The following TPTE2 variants were observed in gnomAD, a reference collection of about 807,000 sequenced individuals.
TPTE2 encodes transmembrane phosphoinositide 3-phosphatase and tensin homolog 2, also known as phosphatidylinositol 3,4,5-trisphosphate 3-phosphatase TPTE2.
In TPTE2, 53 loss-of-function variants were observed where a neutral mutation model predicts 78.6. That is an observed-to-expected ratio of 0.67 (90% CI 0.54 to 0.85). The LOEUF is 0.85. Among genes scored for constraint, TPTE2 ranks in the 40% least tolerant of loss-of-function variants. TPTE2 has a pLI of 0.00. For synonymous variants in TPTE2, 175 were observed against 206.2 expected, an observed-to-expected ratio of 0.85 and a Z score of 1.30; for missense variants, 461 against 623.0, an observed-to-expected ratio of 0.74 and a Z score of 2.77.
intron 1 of TPTE2, among the ~76,000 whole-genome samples, chr13:19,520,355 A>G (rs1870074569): frequency 6.6e-6 from 1 of 152,076 alleles, no homozygotes; most frequent in Non-Finnish European, 1.5e-5. Context: ...TCTTAGGAGA[A>G]AAGATGTAAA....
At chr13:19,529,702 C>A (rs1446513723) in intron 1 of TPTE2, among the ~76,000 whole-genome samples, 1 of 152,130 alleles carries the variant, frequency 6.6e-6, no homozygotes, top group African/African-American at 2.4e-5. Context: ...CAGAGTTCAG[C>A]GGCCTAAATC....
chr13:19,452,828 C>T (rs549496443), intron 10 of TPTE2, among the ~76,000 whole-genome samples: 5 of 152,116 alleles, frequency 3.3e-5, no homozygotes, highest in African/African-American at 9.6e-5. Flanking sequence ...AAGCCTTATG[C>T]GCAAAGATGT....
intron 16 of TPTE2, 62 bp from the exon 20 acceptor site, chr13:19,430,609 C>T: frequency 1.8e-6 from 2 of 1,113,150 alleles, no homozygotes; most frequent in Non-Finnish European, 2.7e-6. Context: ...ATATGTCTCA[C>T]CACTTAACAT....
intron 15 of TPTE2, among the ~76,000 whole-genome samples, chr13:19,435,473 G>A (rs1356693111): frequency 2.0e-5 from 3 of 152,082 alleles, no homozygotes; most frequent in African/African-American, 4.8e-5. Flanking sequence ...CGGATGAAAC[G>A]TGGCTGGCGC....
chr13:19,424,773 T>C (rs1234866094), intron 19 of TPTE2, among the ~76,000 whole-genome samples, 174 bp downstream of exon 22: 1 of 152,160 alleles, frequency 6.6e-6, no homozygotes, highest in Non-Finnish European at 1.5e-5. Context: ...CAAGAACAAA[T>C]GTATTTTTAA....
At chr13:19,459,319 G>A (rs369892785) in intron 10 of TPTE2, among the ~76,000 whole-genome samples, 12 of 152,114 alleles carry the variant, frequency 7.9e-5, no homozygotes, top group East Asian at 3.9e-4. Context: ...AGATACTGCC[G>A]GTGAAGCCTG....
At chr13:19,459,015 G>A (rs534475394) in intron 10 of TPTE2, among the ~76,000 whole-genome samples, 36 of 151,866 alleles carry the variant, frequency 2.4e-4, no homozygotes, top group Non-Finnish European at 4.6e-4. Context: ...CACATGGGTC[G>A]AACTAATTTA....
At chr13:19,429,451 C>A (rs1421035957) in intron 17 of TPTE2, among the ~76,000 whole-genome samples, 2 of 152,208 alleles carry the variant, frequency 1.3e-5, no homozygotes, top group Non-Finnish European at 2.9e-5. Flanking sequence ...AGAGAGAAAG[C>A]TCCTTGATAA....
At chr13:19,545,376 T>G in the TPTE2 span, among the ~76,000 whole-genome samples, 1 of 152,220 alleles carries the variant, frequency 6.6e-6, no homozygotes, top group Non-Finnish European at 1.5e-5. Flanking sequence ...CCTCTAGATG[T>G]GTATCCTCCT....
chr13:19,554,401 TATA>T, the TPTE2 span, among the ~76,000 whole-genome samples: 7 of 150,766 alleles, frequency 4.6e-5, no homozygotes, highest in African/African-American at 1.2e-4. Flanking sequence ...AATAAATAAA[TATA>T]AAAAATAAAA....
At chr13:19,555,160 G>C in the TPTE2 span, among the ~76,000 whole-genome samples, 1 of 152,164 alleles carries the variant, frequency 6.6e-6, no homozygotes, top group African/African-American at 2.4e-5. Flanking sequence ...TGACATGTAT[G>C]TACTAGCCCT....
upstream of TPTE2, among the ~76,000 whole-genome samples, chr13:19,507,304 T>TTAA (rs1555255240): frequency 3.6e-5 from 4 of 112,196 alleles, no homozygotes; most frequent in African/African-American, 7.2e-5. Flanking sequence ...CTAGCTGTTC[T>TTAA]AAAAAAAAAA....
chr13:19,519,412 G>A (rs1321805255), intron 1 of TPTE2, among the ~76,000 whole-genome samples: 1 of 152,076 alleles, frequency 6.6e-6, no homozygotes, highest in African/African-American at 2.4e-5. Context: ...CATAGTTTTG[G>A]ATCTTACATT....
upstream of TPTE2, among the ~76,000 whole-genome samples, chr13:19,539,188 G>A (rs1871368449): frequency 6.6e-6 from 1 of 152,210 alleles, no homozygotes. Context: ...TGCCACATTG[G>A]GGATTAAGGG....
chr13:19,437,581 G>A (rs1361020906), intron 14 of TPTE2, among the ~76,000 whole-genome samples: 1 of 152,124 alleles, frequency 6.6e-6, no homozygotes, highest in Non-Finnish European at 1.5e-5. Flanking sequence ...ATCTAATTAA[G>A]CTTGATACTA....
chr13:19,547,475 A>C, the TPTE2 span, among the ~76,000 whole-genome samples: 1 of 152,120 alleles, frequency 6.6e-6, no homozygotes, highest in Non-Finnish European at 1.5e-5. Context: ...ATTTGTAAGT[A>C]CTTATGGCAA....
intron 10 of TPTE2, among the ~76,000 whole-genome samples, chr13:19,460,865 G>A (rs1345798385): frequency 6.6e-6 from 1 of 152,106 alleles, no homozygotes; most frequent in Non-Finnish European, 1.5e-5. Context: ...AATTAATTTA[G>A]TCATCCACAG....
rs374735883 is a variant in TPTE2 at position 19,529,558 on chromosome 13, GACA to G, written c.-44+7035_-44+7037del. Among the ~76,000 whole-genome samples the G allele has an allele frequency of 3.0e-4, 45 of 152,162 alleles. 1 individual carries two copies. The highest frequency in any genetic ancestry group is 7.2e-4 in the Admixed American group (11 of 15,278). On this transcript the variant is annotated intron_variant, in intron 1 of 17. Coordinates refer to the TPTE2 transcript ENST00000390680. ...ATCGAACTCAGAAACTTCATTTTAGGACAACATTTCAAACTCCTTTCCCATCCA... is the reference window on the plus strand; with the variant it reads ...ATCGAACTCAGAAACTTCATTTTAGGACATTTCAAACTCCTTTCCCATCCA...
chr13:19,442,533 C>T (rs1265528965), intron 13 of TPTE2, among the ~76,000 whole-genome samples: 1 of 151,450 alleles, frequency 6.6e-6, no homozygotes, highest in Non-Finnish European at 1.5e-5. Flanking sequence ...CAAATTAACC[C>T]AAGGAGTACA....
Sources: allele counts gnomAD v4.1 joint callset (sites outside exome capture counted in the v4.1 genomes callset), GRCh38; gene constraint gnomAD v4.1.1; transcripts MANE v1.5; gene names NCBI Gene and HGNC (gene_info 2026-07-23, HGNC 2026-07-21).